The following SHANK2 variants were observed in gnomAD, a reference collection of about 807,000 sequenced individuals.
The protein encoded by SHANK2 is SH3 and multiple ankyrin repeat domains 2.
A neutral mutation model predicts 133.7 loss-of-function variants in SHANK2; 43 were observed. That is an observed-to-expected ratio of 0.32 (90% CI 0.25 to 0.41). The LOEUF (loss-of-function observed/expected upper bound fraction) is 0.41, where lower values mean the gene tolerates loss of function less well. Ranked by LOEUF, SHANK2 falls within the 10% of genes least tolerant of loss-of-function variation. SHANK2 has a pLI of 1.00. For synonymous variants in SHANK2, 1,017 were observed against 952.8 expected (o/e 1.07, Z -1.24); for missense variants, 1,994 against 2,235.8 (o/e 0.89, Z 2.18).
At chr11:71,055,938 G>A (rs1004093520) in intron 10 of SHANK2, among the ~76,000 whole-genome samples, 10,192 of 151,606 alleles carry the variant, frequency 0.067, 969 homozygotes, top group African/African-American at 0.21. Context: ...ACTTTAAAAT[G>A]GTTCAAATGT....
chr11:71,087,982 T>C lies in SHANK2; in HGVS notation c.912+4440A>G, dbSNP rs920414286. 2.8e-3 allele frequency among the ~76,000 whole-genome samples: 422 copies of C among 152,292 alleles called. 3 individuals are homozygous for C. Among genetic ancestry groups the C allele is most frequent in the African/African-American group, 9.8e-3 (409 of 41,568 alleles). On this transcript the variant is annotated intron_variant, in intron 8 of 25. Coordinates refer to ENST00000601538, the MANE Select transcript of SHANK2 (RefSeq NM_012309.5). ...CTCTGTCCTGTGCCTGGAGGACTCA[T>C]TCACTAAAGGAAACCTGAATTTAAA...
Position 70,784,617 on chromosome 11 carries a change from T to C in SHANK2, c.1777+13826A>G, listed in dbSNP as rs376760785. Among the ~76,000 whole-genome samples the C allele has an allele frequency of 4.4e-4, 67 of 152,174 alleles. 2 individuals carry two copies. The highest frequency in any genetic ancestry group is 1.5e-3 in the African/African-American group (64 of 41,504). ...CAACTGTGCCTGGCCATAGAAACCC[T>C]GAGTTCTAATCCGCATTTGCCATTG... On this transcript the variant is annotated intron_variant, in intron 14 of 25. Transcript: ENST00000601538.
chr11:70,761,724 A>C (rs1947001269), intron 14 of SHANK2, among the ~76,000 whole-genome samples: 1 of 152,178 alleles, frequency 6.6e-6, no homozygotes, highest in Non-Finnish European at 1.5e-5. Context: ...CATTCCTAAC[A>C]AGCACCCAGG....
intron 11 of SHANK2, among the ~76,000 whole-genome samples, chr11:70,841,478 G>A (rs1402622664): frequency 6.6e-6 from 1 of 152,226 alleles, no homozygotes; most frequent in Non-Finnish European, 1.5e-5. Flanking sequence ...CACACAGCCA[G>A]GCCAAGATGT....
rs1591552979 is a variant in SHANK2 at position 70,539,536 on chromosome 11, G to GCCACGCTCACCACGCTCACTCA, written c.2062-36606_2062-36605insTGAGTGAGCGTGGTGAGCGTGG. ...CTCGCCACGCTCACCACGCTCACTC[G>GCCACGCTCACCACGCTCACTCA]CCACGCTCACTCACCATACTCACCA... On this transcript the variant is annotated intron_variant, in intron 17 of 25. Transcript: ENST00000601538. Among the ~76,000 whole-genome samples, 4 of 91,990 alleles carry GCCACGCTCACCACGCTCACTCA rather than the reference G, an allele frequency of 4.3e-5. 1 individual carries two copies. The allele number at this position is 91,990 out of a possible 152,430, so 60.3% of individuals were successfully genotyped here. A position where few individuals can be genotyped will look rare whatever the true frequency, so the allele number is the denominator to read the frequency against.
chr11:70,473,841 AG>A lies in SHANK2; in HGVS notation c.4980-403del. On this transcript the variant is annotated intron_variant, in intron 25 of 25. Transcript: ENST00000601538. This position sits in a 1 kb window ranked among gnomAD's most constrained non-coding sequence, Gnocchi z 5.9. ...GGCATTTGGAAGGGGTCCCTTGAAG[AG>A]GGCACGGAGACAGGGACAGAGTGGG... 3.0e-6 allele frequency: 1 copy of A among 335,816 alleles called. No individual in the cohort carries two copies. Among genetic ancestry groups the A allele is most frequent in the South Asian group, 2.5e-5 (1 of 39,420 alleles). The allele number at this position is 335,816 out of a possible 1,614,324, so 20.8% of individuals were successfully genotyped here.
intron 8 of SHANK2, among the ~76,000 whole-genome samples, chr11:71,077,817 C>T (rs1376616619): frequency 1.3e-5 from 2 of 152,144 alleles, no homozygotes; most frequent in Non-Finnish European, 2.9e-5. Flanking sequence ...GGGAGCTGGG[C>T]TCTCACTGTC....
At chr11:70,800,681 T>A (rs1371441288) in intron 13 of SHANK2, among the ~76,000 whole-genome samples, 1 of 152,204 alleles carries the variant, frequency 6.6e-6, no homozygotes, top group African/African-American at 2.4e-5. Flanking sequence ...CATCACTGCC[T>A]GAAGCATCTC....
chr11:70,744,883 C>G (rs1215858871), intron 14 of SHANK2, among the ~76,000 whole-genome samples: 1 of 152,176 alleles, frequency 6.6e-6, no homozygotes, highest in Non-Finnish European at 1.5e-5. Context: ...CTGTCTTGCT[C>G]CCCACCAAGG....
At position 71,097,007 on chromosome 11, in the gene SHANK2, G is replaced by A. The variant is rs534456271; in HGVS notation, c.593-2319C>T. 2.3e-4 allele frequency among the ~76,000 whole-genome samples: 35 copies of A among 152,306 alleles called. 1 individual carries two copies. The highest frequency in any genetic ancestry group is 7.0e-4 in the African/African-American group (29 of 41,588). ...TTAAAGGTGGCTGCATAAACGCACC[G>A]GTGGAGAAAATGATCCCACTCTGTT... On this transcript the variant is annotated intron_variant, in intron 6 of 25. Coordinates refer to ENST00000601538, the MANE Select transcript of SHANK2 (RefSeq NM_012309.5).
chr11:70,524,831 A>C (rs2059375907), intron 17 of SHANK2, among the ~76,000 whole-genome samples: 1 of 152,238 alleles, frequency 6.6e-6, no homozygotes, highest in Admixed American at 6.5e-5. Context: ...AGCCCCTCCA[A>C]GGGGGGAACA....
chr11:70,471,258 A>G lies in SHANK2; in HGVS notation c.*1611T>C, dbSNP rs1165629236. On this transcript the variant is annotated 3_prime_UTR_variant, in exon 26 of 26. Coordinates refer to ENST00000601538, the MANE Select transcript of SHANK2 (RefSeq NM_012309.5). The surrounding 1 kb of genome is among the most constrained non-coding windows in gnomAD (Gnocchi z 4.1). ...GAGCTGTTCCAGACCTAATCAAGAA[A>G]AAAAGGAAAAAAAAAAAACAAAACC... The G allele has an allele frequency of 7.0e-5, 28 of 398,810 alleles. No individual in the cohort carries two copies. In the East Asian group the frequency reaches 8.5e-4, roughly 12 times the overall value. 24.7% of individuals were successfully genotyped at this position (398,810 alleles called of 1,614,324 possible). A position where few individuals can be genotyped will look rare whatever the true frequency, so the allele number is the denominator to read the frequency against.
chr11:70,573,569 G>A (rs1379106562), intron 17 of SHANK2, among the ~76,000 whole-genome samples: 4 of 151,490 alleles, frequency 2.6e-5, no homozygotes, highest in Non-Finnish European at 5.9e-5. Context: ...GTGGGGCATG[G>A]CATTTGATAT....
chr11:70,798,236 C>T (rs1044065771), intron 14 of SHANK2, among the ~76,000 whole-genome samples: 6 of 152,188 alleles, frequency 3.9e-5, no homozygotes, highest in African/African-American at 1.4e-4. Context: ...AAAGCTTCCA[C>T]ACCATCTTGT....
At chr11:71,235,333 C>G (rs982948370) in intron 1 of SHANK2, among the ~76,000 whole-genome samples, 1 of 152,174 alleles carries the variant, frequency 6.6e-6, no homozygotes, top group Non-Finnish European at 1.5e-5. Flanking sequence ...GTGGCTCACA[C>G]CTGTAATCCC....
chr11:70,711,965 A>T (rs977484439), intron 14 of SHANK2, among the ~76,000 whole-genome samples: 2 of 152,078 alleles, frequency 1.3e-5, no homozygotes, highest in Non-Finnish European at 2.9e-5. Context: ...GGCACAGACG[A>T]CCAGGCTCGG....
chr11:70,818,466 C>G (rs533594064), intron 12 of SHANK2, among the ~76,000 whole-genome samples: 33 of 152,318 alleles, frequency 2.2e-4, no homozygotes, highest in African/African-American at 7.7e-4. Flanking sequence ...GCAGCCAGCT[C>G]AAGTCCCTGG....
chr11:70,746,797 T>C lies in SHANK2; in HGVS notation c.1778-48034A>G, dbSNP rs996250775. 6.9e-5 allele frequency among the ~76,000 whole-genome samples: 7 copies of C among 101,272 alleles called. No individual in the cohort carries two copies. The South Asian group carries it at 2.3e-3, about 34-fold the overall frequency. The allele number at this position is 101,272 out of a possible 152,430, so 66.4% of individuals were successfully genotyped here. The stretch of plus-strand genomic sequence containing the variant: ...ACGACCTCCCACCTCAGCTCCTCTA[T>C]GCCCCGCTGCCCCCACACTGGGGGA... On this transcript the variant is annotated intron_variant, in intron 14 of 25. Coordinates refer to ENST00000601538, the MANE Select transcript of SHANK2 (RefSeq NM_012309.5).
At chr11:70,765,711 C>G (rs1277666163) in intron 14 of SHANK2, among the ~76,000 whole-genome samples, 5 of 152,166 alleles carry the variant, frequency 3.3e-5, no homozygotes, top group African/African-American at 1.2e-4. Context: ...CTGCGAGAGA[C>G]CCAGGGTGGC....
Sources: gnomAD v4.1 joint callset for allele counts (sites outside exome capture counted in the v4.1 genomes callset) on GRCh38, gnomAD v4.1.1 for gene constraint, Gnocchi (gnomAD v3.1) non-coding constraint, MANE v1.5 for transcripts, NCBI Gene and HGNC (gene_info 2026-07-23, HGNC 2026-07-21) for gene names.